DLC1: variants seen among roughly 807,000 people sequenced by gnomAD.
DLC1 encodes DLC1 Rho GTPase activating protein.
DLC1 carries 54 observed loss-of-function variants against 140.3 expected under a neutral mutation model. That is an observed-to-expected ratio of 0.38 (90% confidence interval 0.31 to 0.48). The LOEUF is 0.48. DLC1 is among the 20% of genes least tolerant of loss of function. DLC1 has a pLI of 0.96. For synonymous variants in DLC1, 986 were observed against 728.1 expected (o/e 1.35, Z -5.70); for missense variants, 2,536 against 1,907.0 (o/e 1.33, Z -6.14).
rs908420822 is a variant in DLC1 at position 13,085,523 on chromosome 8, T to C, written c.*288A>G. 10 of 267,774 alleles carry C rather than the reference T, an allele frequency of 3.7e-5. No homozygotes were observed. Among genetic ancestry groups the C allele is most frequent in the Non-Finnish European group, 5.0e-5 (7 of 141,148 alleles). 16.6% of individuals were successfully genotyped at this position (267,774 alleles called of 1,614,324 possible). On this transcript the variant is annotated 3_prime_UTR_variant, in exon 18 of 18. Transcript: ENST00000276297. Reference sequence around the variant, plus strand: ...GAAGTATCTTCATTATCTTCCATAATGTATTTAAAGAGTTTTGCTTCTCAG... The same window carrying C: ...GAAGTATCTTCATTATCTTCCATAACGTATTTAAAGAGTTTTGCTTCTCAG...
In DLC1 at chr8:13,173,029, T is replaced by G. The variant is rs549447443; in HGVS notation, c.1349-57372A>C. Among the ~76,000 whole-genome samples, 3 of 152,374 alleles carry G rather than the reference T, an allele frequency of 2.0e-5. No individual in the cohort carries two copies. In the South Asian group the frequency reaches 6.2e-4, roughly 32 times the overall value. ...CGATTATTGATACAGCATTTTGTCCTGGCACAGTTAGGATGACTGTTTTGA... is the reference window on the plus strand; with the variant it reads ...CGATTATTGATACAGCATTTTGTCCGGGCACAGTTAGGATGACTGTTTTGA... On this transcript the variant is annotated intron_variant, in intron 5 of 17. Transcript: ENST00000276297.
chr8:13,128,771 C>T (rs528579985), intron 5 of DLC1, among the ~76,000 whole-genome samples: 6 of 151,486 alleles, frequency 4.0e-5, no homozygotes, highest in African/African-American at 1.5e-4. Context: ...GGAGGCGGAG[C>T]TTGCAGTGAG....
At chr8:13,162,810 G>T (rs1217097231) in intron 5 of DLC1, among the ~76,000 whole-genome samples, 1 of 152,164 alleles carries the variant, frequency 6.6e-6, no homozygotes, top group African/African-American at 2.4e-5. Flanking sequence ...GCCCGGTGTG[G>T]TGTCATGCTC....
chr8:13,530,180 C>T (rs191109273), intron 1 of DLC1, among the ~76,000 whole-genome samples: 24 of 152,284 alleles, frequency 1.6e-4, no homozygotes, highest in African/African-American at 4.8e-4. Flanking sequence ...TTGCAACCTT[C>T]TCTGTAGTTG....
intron 1 of DLC1, among the ~76,000 whole-genome samples, chr8:13,539,231 G>A (rs1016017060): frequency 2.0e-5 from 3 of 150,416 alleles, no homozygotes; most frequent in Non-Finnish European, 4.4e-5. Flanking sequence ...ACAGAGTCTC[G>A]CTCTGTTGCC....
chr8:13,168,653 C>T (rs2116913815), intron 5 of DLC1, among the ~76,000 whole-genome samples: 1 of 152,324 alleles, frequency 6.6e-6, no homozygotes, highest in South Asian at 2.1e-4. Context: ...TGTCTCTAGT[C>T]CAGATAAGGC....
At chr8:13,456,453 ATT>A (rs10715849) in intron 2 of DLC1, among the ~76,000 whole-genome samples, 5 of 147,038 alleles carry the variant, frequency 3.4e-5, no homozygotes, top group Admixed American at 2.0e-4. Flanking sequence ...TTCCTTTTTT[ATT>A]TTTTTTTTTA....
chr8:13,209,108 T>G (rs142122014), intron 5 of DLC1, among the ~76,000 whole-genome samples: 1 of 152,310 alleles, frequency 6.6e-6, no homozygotes, highest in African/African-American at 2.4e-5. Context: ...AAATACTTCC[T>G]TGATAAAAAG....
chr8:13,092,569 T>C, intron 13 of DLC1, 43 bp downstream of exon 13: 1 of 1,579,162 alleles, frequency 6.3e-7, no homozygotes, highest in Non-Finnish European at 8.6e-7. Flanking sequence ...AGGAAGAATG[T>C]AGGCTGCCCC....
intron 7 of DLC1, among the ~76,000 whole-genome samples, chr8:13,105,609 G>T (rs1326341952): frequency 3.4e-5 from 5 of 147,476 alleles, no homozygotes; most frequent in African/African-American, 1.0e-4. Flanking sequence ...TTTTTTTTTG[G>T]AGACAGTCTT....
chr8:13,410,403 A>G (rs1403949715), intron 2 of DLC1, among the ~76,000 whole-genome samples: 7 of 152,118 alleles, frequency 4.6e-5, no homozygotes, highest in Admixed American at 1.3e-4. Flanking sequence ...ACAACAACAA[A>G]ACAGAGATGA....
chr8:13,151,963 C>T (rs1001517678), intron 5 of DLC1, among the ~76,000 whole-genome samples: 18 of 152,184 alleles, frequency 1.2e-4, no homozygotes, highest in Non-Finnish European at 1.8e-4. Flanking sequence ...CAGATCTCTG[C>T]GATTTATTCC....
At chr8:13,170,176 G>A (rs1013553041) in intron 5 of DLC1, among the ~76,000 whole-genome samples, 5 of 152,088 alleles carry the variant, frequency 3.3e-5, no homozygotes, top group African/African-American at 9.7e-5. Flanking sequence ...AGAAAAGGCC[G>A]CTGATGTATA....
chr8:13,472,142 G>T (rs191434592), intron 2 of DLC1, among the ~76,000 whole-genome samples: 3 of 152,134 alleles, frequency 2.0e-5, no homozygotes, highest in Non-Finnish European at 4.4e-5. Flanking sequence ...AATAACAAGC[G>T]CCAACTTATT....
chr8:13,258,488 A>G (rs35071137), intron 5 of DLC1, among the ~76,000 whole-genome samples: 19,729 of 152,160 alleles, frequency 0.13, 1,348 homozygotes, highest in South Asian at 0.24. Flanking sequence ...TTTCACTTAA[A>G]CCCTCTAAGG....
intron 5 of DLC1, among the ~76,000 whole-genome samples, chr8:13,185,754 C>A (rs1585865027): frequency 6.6e-6 from 1 of 152,150 alleles, no homozygotes; most frequent in African/African-American, 2.4e-5. Flanking sequence ...ATGGTCTTTA[C>A]AATTTGGCAT....
chr8:13,213,149 A>G (rs928497682), intron 5 of DLC1, among the ~76,000 whole-genome samples: 1 of 152,206 alleles, frequency 6.6e-6, no homozygotes, highest in African/African-American at 2.4e-5. Flanking sequence ...AACATTAAAT[A>G]TACACAGATA....
intron 4 of DLC1, among the ~76,000 whole-genome samples, chr8:13,393,227 C>G (rs865779652): frequency 6.6e-6 from 1 of 152,074 alleles, no homozygotes; most frequent in African/African-American, 2.4e-5. Flanking sequence ...GTAAGCAATA[C>G]TGTCAAGATA....
intron 5 of DLC1, among the ~76,000 whole-genome samples, chr8:13,131,778 G>C (rs918866435): frequency 3.3e-5 from 5 of 152,184 alleles, no homozygotes; most frequent in Non-Finnish European, 5.9e-5. Context: ...GAGGCACAGC[G>C]AGGTCCTGTC....
Sources: gnomAD v4.1 joint callset for allele counts (sites outside exome capture counted in the v4.1 genomes callset) on GRCh38, gnomAD v4.1.1 for gene constraint, MANE v1.5 for transcripts, NCBI Gene and HGNC (gene_info 2026-07-23, HGNC 2026-07-21) for gene names.